PCDHGB3: variants seen among roughly 807,000 people sequenced by gnomAD.
PCDHGB3 encodes protocadherin gamma-B3.
In PCDHGB3, 40 loss-of-function variants were observed where a neutral mutation model predicts 59.2. That is an observed-to-expected ratio of 0.68 (90% CI 0.52 to 0.88). The LOEUF is 0.88. Ranked by LOEUF, PCDHGB3 falls within the 40% of genes least tolerant of loss-of-function variation. The probability of loss-of-function intolerance (pLI) is 0.00; values close to 1 mark genes in which losing one functional copy is unlikely to be tolerated. For synonymous variants in PCDHGB3, 581 were observed against 503.6 expected, an observed-to-expected ratio of 1.15 and a Z score of -2.06; for missense variants, 1,309 against 1,187.9, an observed-to-expected ratio of 1.10 and a Z score of -1.50.
chr5:141,497,740 C>G (rs954595046), intron 2 of PCDHGB3, among the ~76,000 whole-genome samples: 9 of 152,054 alleles, frequency 5.9e-5, no homozygotes, highest in African/African-American at 2.2e-4. Context: ...GGTTTCGCCA[C>G]GTTGGCCAGG....
intron 1 of PCDHGB3, chr5:141,403,903 G>T: frequency 1.2e-6 from 2 of 1,613,804 alleles, no homozygotes; most frequent in Non-Finnish European, 1.7e-6. Context: ...TTTATGAAAT[G>T]GAAATACAAG....
intron 1 of PCDHGB3, chr5:141,398,925 C>G (rs766149685): frequency 1.1e-5 from 17 of 1,613,966 alleles, no homozygotes; most frequent in Non-Finnish European, 1.4e-5. Flanking sequence ...AAGTGTCAGC[C>G]ACTGACCAAG....
intron 1 of PCDHGB3, chr5:141,403,288 CAG>C: frequency 6.2e-7 from 1 of 1,613,878 alleles, no homozygotes; most frequent in Admixed American, 1.7e-5. Context: ...TGGTTGAAGA[CAG>C]AGTGAAACTG....
At chr5:141,502,724 C>T (rs1288841230) in intron 2 of PCDHGB3, among the ~76,000 whole-genome samples, 2 of 152,134 alleles carry the variant, frequency 1.3e-5, no homozygotes, top group African/African-American at 4.8e-5. Context: ...GATTACAAAG[C>T]GGTGATGTTC....
chr5:141,390,020 C>A, intron 1 of PCDHGB3: 2 of 1,614,048 alleles, frequency 1.2e-6, no homozygotes, highest in Non-Finnish European at 1.7e-6. Flanking sequence ...TTGCCTTGCG[C>A]CTGCGACGCT....
At chr5:141,450,241 C>T (rs1236675009) in intron 1 of PCDHGB3, among the ~76,000 whole-genome samples, 1 of 152,094 alleles carries the variant, frequency 6.6e-6, no homozygotes, top group East Asian at 1.9e-4. Flanking sequence ...TAGTCTTGAA[C>T]TCCTGACCTC....
At chr5:141,457,289 G>C (rs907200077) in intron 1 of PCDHGB3, among the ~76,000 whole-genome samples, 2 of 152,146 alleles carry the variant, frequency 1.3e-5, no homozygotes, top group African/African-American at 4.8e-5. Flanking sequence ...GAAGTTCCTT[G>C]GTTTTATTTT....
At chr5:141,456,936 C>G (rs1012944904) in intron 1 of PCDHGB3, among the ~76,000 whole-genome samples, 20 of 152,190 alleles carry the variant, frequency 1.3e-4, no homozygotes, top group African/African-American at 4.3e-4. Context: ...GCACTCCAGC[C>G]TGGGCAACAG....
chr5:141,413,684 C>T, intron 1 of PCDHGB3: 1 of 1,613,838 alleles, frequency 6.2e-7, no homozygotes, highest in Non-Finnish European at 8.5e-7. Context: ...GGCGTGAACT[C>T]CCTGCAGAGC....
rs769351399 is a variant in PCDHGB3, at chr5:141,432,649, A to G, written c.2415+59840A>G. The G allele has an allele frequency of 6.2e-7, 1 of 1,613,742 alleles. No homozygotes were observed. The highest frequency in any genetic ancestry group is 1.1e-5 in the South Asian group (1 of 91,054). ...ACACGGGCGAGGTGCGCACGGCGCG[A>G]GCCCTGCTGGACAGAGACGCGCTCA... is the stretch of plus-strand genomic sequence containing the variant. On this transcript the variant is annotated intron_variant, in intron 1 of 3. Coordinates refer to ENST00000576222, the MANE Select transcript of PCDHGB3 (RefSeq NM_018924.5). The surrounding 1 kb of genome is among the most constrained non-coding windows in gnomAD (Gnocchi z 6.0).
chr5:141,444,008 A>G (rs2098413646), intron 1 of PCDHGB3, among the ~76,000 whole-genome samples: 2 of 152,140 alleles, frequency 1.3e-5, no homozygotes, highest in Non-Finnish European at 2.9e-5. Context: ...CTACCTGGGT[A>G]TTGGCTTCTA....
intron 1 of PCDHGB3, among the ~76,000 whole-genome samples, chr5:141,444,872 G>T (rs2098449555): frequency 6.6e-6 from 1 of 152,120 alleles, no homozygotes. Context: ...ACAGGACAAA[G>T]CTTGTAGGAT....
intron 1 of PCDHGB3, chr5:141,423,333 C>T (rs761192305): frequency 3.1e-6 from 5 of 1,614,184 alleles, no homozygotes; most frequent in Non-Finnish European, 4.2e-6. Context: ...CCGCAGTCTC[C>T]TGCATCTTCC....
chr5:141,415,704 T>C (rs1262137262), intron 1 of PCDHGB3: 1 of 1,344,464 alleles, frequency 7.4e-7, no homozygotes, highest in South Asian at 1.3e-5. Context: ...GTGTAAATGC[T>C]AAAACACTGA....
chr5:141,494,784 C>T, intron 1 of PCDHGB3, 23 bp from the exon 2 acceptor site: 1 of 1,614,110 alleles, frequency 6.2e-7, no homozygotes, highest in Non-Finnish European at 8.5e-7. Flanking sequence ...TACTCAGCCC[C>T]TTTCCCTCTG....
intron 1 of PCDHGB3, among the ~76,000 whole-genome samples, chr5:141,434,605 T>C (rs1448149059): frequency 6.6e-6 from 1 of 152,198 alleles, no homozygotes; most frequent in Non-Finnish European, 1.5e-5. Context: ...ATCCCTTTAT[T>C]TCCGCCCATC....
chr5:141,382,674 C>G (rs951969894), intron 1 of PCDHGB3: 43 of 436,018 alleles, frequency 9.9e-5, no homozygotes, highest in African/African-American at 8.4e-4. Context: ...CCGCTGTTCA[C>G]CAACCAGGGA....
At chr5:141,483,743 C>G (rs1360515518) in intron 1 of PCDHGB3, among the ~76,000 whole-genome samples, 2 of 152,022 alleles carry the variant, frequency 1.3e-5, no homozygotes, top group Non-Finnish European at 2.9e-5. Context: ...AAAGGATATT[C>G]CTGAGGATCG....
At chr5:141,474,156 A>C (rs1387216017) in intron 1 of PCDHGB3, among the ~76,000 whole-genome samples, 1 of 152,244 alleles carries the variant, frequency 6.6e-6, no homozygotes, top group East Asian at 1.9e-4. Flanking sequence ...CAAGAAAATG[A>C]CAGGCCTTAT....
Sources: allele counts gnomAD v4.1 joint callset (sites outside exome capture counted in the v4.1 genomes callset), GRCh38; gene constraint gnomAD v4.1.1; non-coding constraint Gnocchi (gnomAD v3.1); transcripts MANE v1.5; gene names NCBI Gene and HGNC (gene_info 2026-07-23, HGNC 2026-07-21).